The following PDE4A variants were observed in gnomAD, a reference collection of about 807,000 sequenced individuals.
PDE4A encodes phosphodiesterase 4A.
Under a neutral mutation model 73.9 loss-of-function variants are expected in PDE4A, and 21 were observed. The observed-to-expected ratio is 0.28, with a 90% CI of 0.20 to 0.41. PDE4A has a LOEUF of 0.41. PDE4A is among the 10% of genes least tolerant of loss of function. The pLI is 1.00. For synonymous variants in PDE4A, 463 were observed against 505.4 expected (o/e 0.92, Z 1.13); for missense variants, 958 against 1,211.4 (o/e 0.79, Z 3.10).
chr19:10,467,893 A>G lies in PDE4A; in HGVS notation c.*272A>G. 9.6e-6 allele frequency: 3 copies of G among 310,922 alleles called. No homozygotes were observed. Among genetic ancestry groups the G allele is most frequent in the Non-Finnish European group, 1.7e-5 (3 of 171,484 alleles). 19.3% of individuals were successfully genotyped at this position (310,922 alleles called of 1,614,324 possible). A position where few individuals can be genotyped will look rare whatever the true frequency, so the allele number is the denominator to read the frequency against. ...TGAATTTTAATTGTAACATTTTTAG[A>G]AAAAGAACAAAAAAAGAAAAAAAAA... On this transcript the variant is annotated 3_prime_UTR_variant, in exon 15 of 15. Transcript: ENST00000380702.
Position 10,453,250 on chromosome 19 carries a change from G to A in PDE4A, c.784-1579G>A, listed in dbSNP as rs200836096. The A allele has an allele frequency of 8.1e-6, 13 of 1,610,042 alleles. No individual in the cohort carries two copies. Among genetic ancestry groups the A allele is most frequent in the Non-Finnish European group, 1.1e-5 (13 of 1,178,314 alleles). On this transcript the variant is annotated intron_variant, in intron 6 of 14. Coordinates refer to ENST00000380702, the MANE Select transcript of PDE4A (RefSeq NM_001111307.2). This position sits in a 1 kb window ranked among gnomAD's most constrained non-coding sequence, Gnocchi z 4.6. ...CTCTGTGTGCAGCAGCCCCAGGCGG[G>A]CTAAGTCTCCAAGATGCCCTTGGTG...
intron 1 of PDE4A, among the ~76,000 whole-genome samples, chr19:10,437,574 C>T (rs1269404695): frequency 6.6e-6 from 1 of 151,998 alleles, no homozygotes; most frequent in East Asian, 1.9e-4. Flanking sequence ...CATGCACCAC[C>T]ATGCTCAGCT....
chr19:10,448,996 A>G (rs2043051708), intron 3 of PDE4A, 43 bp downstream of exon 3: 3 of 1,611,806 alleles, frequency 1.9e-6, no homozygotes, highest in African/African-American at 1.3e-5. Context: ...AGGGGCTCCA[A>G]TGCTCCGCCA....
intron 1 of PDE4A, among the ~76,000 whole-genome samples, chr19:10,422,186 C>T (rs760983592): frequency 1.3e-5 from 2 of 152,122 alleles, no homozygotes; most frequent in Non-Finnish European, 2.9e-5. Context: ...GTGATTGTGA[C>T]AGTGTCATTT....
chr19:10,420,377 G>A (rs1335664412), upstream of PDE4A: 8 of 978,640 alleles, frequency 8.2e-6, no homozygotes, highest in Non-Finnish European at 9.7e-6. This position sits in a 1 kb window ranked among gnomAD's most constrained non-coding sequence, Gnocchi z 6.0. Flanking sequence ...GGGCGGGAAG[G>A]GCCCCCCTCC....
intron 1 of PDE4A, 143 bp downstream of exon 1, chr19:10,421,227 G>A (rs778042766): frequency 5.9e-5 from 79 of 1,336,264 alleles, no homozygotes; most frequent in Non-Finnish European, 6.9e-5. Context: ...CTGCGGGGGC[G>A]TCTGGGACCT....
Position 10,424,686 on chromosome 19 carries a change from G to C in PDE4A, c.320+3602G>C, listed in dbSNP as rs963906259. On this transcript the variant is annotated intron_variant, in intron 1 of 14. Transcript: ENST00000380702. The surrounding 1 kb of genome is among the most constrained non-coding windows in gnomAD (Gnocchi z 4.8). ...CTGCGTGTGGGGTCCTCGCCCTCCCGGGCTTGGGACCAGGCCGCTTTCCCC... is the reference window on the plus strand; with the variant it reads ...CTGCGTGTGGGGTCCTCGCCCTCCCCGGCTTGGGACCAGGCCGCTTTCCCC... 2.0e-5 allele frequency among the ~76,000 whole-genome samples: 3 copies of C among 152,246 alleles called. No homozygotes were observed. Among genetic ancestry groups the C allele is most frequent in the African/African-American group, 7.2e-5 (3 of 41,456 alleles).
At chr19:10,425,572 G>A (rs1480706970) in intron 1 of PDE4A, among the ~76,000 whole-genome samples, 1 of 152,228 alleles carries the variant, frequency 6.6e-6, no homozygotes, top group Non-Finnish European at 1.5e-5. Flanking sequence ...CAGATTGACT[G>A]CAGGCTCTTA....
At chr19:10,422,903 C>T (rs2042669035) in intron 1 of PDE4A, among the ~76,000 whole-genome samples, 2 of 152,174 alleles carry the variant, frequency 1.3e-5, no homozygotes, top group African/African-American at 4.8e-5. Flanking sequence ...AAGTAGGTTC[C>T]AGGCCCCATT....
At chr19:10,456,384 C>T (rs187196322) in intron 7 of PDE4A, among the ~76,000 whole-genome samples, 4 of 151,980 alleles carry the variant, frequency 2.6e-5, no homozygotes, top group East Asian at 1.9e-4. Flanking sequence ...AAATTAGCTG[C>T]GCGTGTTGGC....
At chr19:10,445,888 A>C (rs2042996869) in intron 1 of PDE4A, among the ~76,000 whole-genome samples, 1 of 127,736 alleles carries the variant, frequency 7.8e-6, no homozygotes, top group South Asian at 2.9e-4. Context: ...CCCAGGCTGG[A>C]GTGCAGTGGC....
intron 7 of PDE4A, among the ~76,000 whole-genome samples, chr19:10,456,332 C>A (rs182232433): frequency 1.3e-5 from 2 of 152,116 alleles, no homozygotes; most frequent in African/African-American, 2.4e-5. Context: ...TCAAGACCAG[C>A]CTGACCAACA....
rs1340289874 is a variant in PDE4A at position 10,459,606 on chromosome 19, G to T, written c.1212G>T (p.Leu404=). The T allele has an allele frequency of 6.2e-7, 1 of 1,613,996 alleles. No homozygotes were observed. Among genetic ancestry groups the T allele is most frequent in the East Asian group, 2.2e-5 (1 of 44,896 alleles). The change falls in exon 10 of 15, where the codon CTG becomes CTT. Residue 404 remains leucine, a synonymous_variant. Transcript: ENST00000380702. ...IMYMIFQERD[L]LKKFRIPVDT... Reference sequence around the variant, plus strand: ...CTGCCTGCTCTCAGGAGCGGGACCTGCTGAAGAAATTCCGCATCCCTGTGG... The same window carrying T: ...CTGCCTGCTCTCAGGAGCGGGACCTTCTGAAGAAATTCCGCATCCCTGTGG...
chr19:10,427,479 G>T, intron 1 of PDE4A: 5 of 985,302 alleles, frequency 5.1e-6, no homozygotes, highest in Non-Finnish European at 6.0e-6. Context: ...GAGGTGACAG[G>T]CAGCTCATGT....
rs999823701 is a variant in PDE4A, at chr19:10,432,464, G to A, written c.320+11380G>A. 27 of 1,493,386 alleles carry A rather than the reference G, an allele frequency of 1.8e-5. No individual in the cohort carries two copies. In the Admixed American group the frequency reaches 5.9e-4, roughly 32 times the overall value. The allele number at this position is 1,493,386 out of a possible 1,614,324, so 92.5% of individuals were successfully genotyped here. A position where few individuals can be genotyped will look rare whatever the true frequency, so the allele number is the denominator to read the frequency against. ...GCTCCGGTGCAGCGCCCCGGGCCCG[G>A]CCCCGGCCCCCTGCCCTGGCACTGC... is the stretch of plus-strand genomic sequence containing the variant. On this transcript the variant is annotated intron_variant, in intron 1 of 14. Coordinates refer to ENST00000380702, the MANE Select transcript of PDE4A (RefSeq NM_001111307.2).
At chr19:10,437,159 T>TATCCCC (rs922759798) in intron 1 of PDE4A, among the ~76,000 whole-genome samples, 28 of 152,306 alleles carry the variant, frequency 1.8e-4, no homozygotes, top group African/African-American at 6.7e-4. Context: ...TTTTTGAGAC[T>TATCCCC]ATCCCCTAGG....
In PDE4A at chr19:10,468,466, G is replaced by A. The variant is rs2043420173; in HGVS notation, c.*845G>A. On this transcript the variant is annotated 3_prime_UTR_variant, in exon 15 of 15. Transcript: ENST00000380702. Reference sequence around the variant, plus strand: ...AATTTTCTCCGTTTTTTGGGGCAGTGGCTCTGATCCACTCACCCCCCCGCC... The same window carrying A: ...AATTTTCTCCGTTTTTTGGGGCAGTAGCTCTGATCCACTCACCCCCCCGCC... 1 of 151,906 alleles carries A rather than the reference G, an allele frequency of 6.6e-6. No homozygotes were observed. The highest frequency in any genetic ancestry group is 1.5e-5 in the Non-Finnish European group (1 of 67,958). 9.4% of individuals were successfully genotyped at this position (151,906 alleles called of 1,614,324 possible). A position where few individuals can be genotyped will look rare whatever the true frequency, so the allele number is the denominator to read the frequency against.
chr19:10,421,811 G>A (rs1164560772), intron 1 of PDE4A, among the ~76,000 whole-genome samples: 1 of 152,186 alleles, frequency 6.6e-6, no homozygotes, highest in African/African-American at 2.4e-5. Context: ...CATGTGTGTT[G>A]AGCTTGGTCT....
chr19:10,450,494 G>C (rs1417224844), intron 4 of PDE4A, 109 bp from the exon 5 acceptor site: 2 of 1,471,940 alleles, frequency 1.4e-6, no homozygotes, highest in African/African-American at 1.4e-5. Context: ...CTTAGGACAC[G>C]GTGAGTTTTC....
Sources: gnomAD v4.1 joint callset for allele counts (sites outside exome capture counted in the v4.1 genomes callset) on GRCh38, gnomAD v4.1.1 for gene constraint, Gnocchi (gnomAD v3.1) non-coding constraint, MANE v1.5 for transcripts, NCBI Gene and HGNC (gene_info 2026-07-23, HGNC 2026-07-21) for gene names.